CDH13: variants seen among roughly 807,000 people sequenced by gnomAD.
CDH13 encodes the protein cadherin 13.
In CDH13, 24 loss-of-function variants were observed where a neutral mutation model predicts 63.8. That is an observed-to-expected ratio of 0.38 (90% CI 0.27 to 0.53). CDH13 has a LOEUF of 0.53. Among genes scored for constraint, CDH13 ranks in the 20% least tolerant of loss-of-function variants. CDH13 has a pLI of 0.85. For missense variants in CDH13, 1,049 were observed against 903.1 expected (o/e 1.16, Z -2.07); for synonymous variants, 503 against 355.3 (o/e 1.42, Z -4.67).
intron 2 of CDH13, among the ~76,000 whole-genome samples, chr16:82,921,217 A>C (rs968896585): frequency 2.0e-5 from 3 of 152,142 alleles, no homozygotes; most frequent in African/African-American, 4.8e-5. Flanking sequence ...TGGAGCCCAG[A>C]AGTCCAAAAT....
chr16:82,629,510 C>G (rs549068664), intron 1 of CDH13, among the ~76,000 whole-genome samples: 66 of 152,178 alleles, frequency 4.3e-4, no homozygotes, highest in Admixed American at 3.9e-3. Flanking sequence ...AGTCGACGAG[C>G]AAAAACACAA....
chr16:83,689,869 T>C (rs140718998), intron 10 of CDH13, among the ~76,000 whole-genome samples: 2 of 152,192 alleles, frequency 1.3e-5, no homozygotes, highest in Non-Finnish European at 2.9e-5. Context: ...CATTGGGGGA[T>C]AAAGTAGCCC....
At chr16:83,230,227 T>C (rs966226889) in intron 5 of CDH13, among the ~76,000 whole-genome samples, 2 of 152,186 alleles carry the variant, frequency 1.3e-5, no homozygotes, top group African/African-American at 4.8e-5. Flanking sequence ...TTAGTTCCTG[T>C]TCAGTGTTTC....
chr16:83,397,246 C>T (rs1359619601), intron 6 of CDH13: 1 of 152,160 alleles, frequency 6.6e-6, no homozygotes, highest in African/African-American at 2.4e-5. Flanking sequence ...AGGGGATACA[C>T]CCTCTTAATC....
chr16:82,685,388 T>A (rs1261105915), intron 1 of CDH13, among the ~76,000 whole-genome samples: 1 of 152,148 alleles, frequency 6.6e-6, no homozygotes, highest in Non-Finnish European at 1.5e-5. Context: ...ACTAATCCCA[T>A]TCATAATGGC....
At chr16:83,065,017 C>A (rs1004220421) in intron 3 of CDH13, among the ~76,000 whole-genome samples, 14 of 152,132 alleles carry the variant, frequency 9.2e-5, no homozygotes, top group Admixed American at 5.2e-4. Flanking sequence ...CCCTCCCCTG[C>A]ACCCCCAGCC....
At chr16:83,136,486 CAAAAAAAAAAAAA>C (rs542700844) in intron 4 of CDH13, among the ~76,000 whole-genome samples, 1 of 61,552 alleles carries the variant, frequency 1.6e-5, no homozygotes, top group Non-Finnish European at 3.6e-5. Flanking sequence ...ACTCTGTCTC[CAAAAAAAAAAAAA>C]AAAAAAAAGA....
At chr16:83,027,203 T>C in intron 2 of CDH13, among the ~76,000 whole-genome samples, 1 of 146,164 alleles carries the variant, frequency 6.8e-6, no homozygotes, top group Non-Finnish European at 1.5e-5. Context: ...ACTGATGGCC[T>C]CCCATGTGGA....
chr16:83,266,362 C>G (rs1053881658), intron 5 of CDH13, among the ~76,000 whole-genome samples: 1 of 152,146 alleles, frequency 6.6e-6, no homozygotes. Context: ...GATATATGGT[C>G]CACTTTAATT....
intron 2 of CDH13, among the ~76,000 whole-genome samples, chr16:82,880,775 A>C (rs995175345): frequency 1.3e-5 from 2 of 152,200 alleles, no homozygotes; most frequent in Non-Finnish European, 2.9e-5. Flanking sequence ...ATTGATATTA[A>C]GGTCAACTCT....
chr16:83,257,318 A>AT (rs1029113479), intron 5 of CDH13, among the ~76,000 whole-genome samples: 6 of 151,930 alleles, frequency 3.9e-5, no homozygotes, highest in Non-Finnish European at 5.9e-5. Flanking sequence ...AATTCATCGT[A>AT]TTTTTTTTCT....
chr16:82,823,849 T>A (rs896307285), intron 1 of CDH13: 2 of 152,184 alleles, frequency 1.3e-5, no homozygotes, highest in Non-Finnish European at 2.9e-5. Context: ...GGATTATACA[T>A]ATGAATTTAT....
At chr16:82,881,207 C>A (rs1464024824) in intron 2 of CDH13, among the ~76,000 whole-genome samples, 1 of 152,086 alleles carries the variant, frequency 6.6e-6, no homozygotes, top group South Asian at 2.1e-4. Flanking sequence ...TAGAGGCTTC[C>A]GTTCGTGTCT....
chr16:83,151,027 A>C (rs901459671), intron 4 of CDH13, among the ~76,000 whole-genome samples: 1 of 152,170 alleles, frequency 6.6e-6, no homozygotes, highest in African/African-American at 2.4e-5. Context: ...GGTGACAAGC[A>C]TATAGTAGGT....
At chr16:83,075,731 T>C (rs2032788645) in intron 3 of CDH13, among the ~76,000 whole-genome samples, 2 of 152,330 alleles carry the variant, frequency 1.3e-5, no homozygotes, top group South Asian at 4.1e-4. Context: ...GACATATCAA[T>C]CTTGCTTGGG....
At chr16:83,195,495 CAAGA>C (rs2038851882) in intron 4 of CDH13, among the ~76,000 whole-genome samples, 1 of 151,990 alleles carries the variant, frequency 6.6e-6, no homozygotes, top group African/African-American at 2.4e-5. Flanking sequence ...GGAGCAGGAC[CAAGA>C]GAGAGATGGG....
intron 7 of CDH13, among the ~76,000 whole-genome samples, chr16:83,487,776 G>A (rs2073924218): frequency 6.6e-6 from 1 of 152,148 alleles, no homozygotes; most frequent in African/African-American, 2.4e-5. Flanking sequence ...GGGGCTCTGT[G>A]CATTTCCCCC....
intron 2 of CDH13, among the ~76,000 whole-genome samples, chr16:83,004,511 TG>T (rs1913274619): frequency 6.6e-6 from 1 of 152,180 alleles, no homozygotes; most frequent in East Asian, 1.9e-4. Context: ...TGTTTTGTTT[TG>T]TTTTTTTCCC....
intron 1 of CDH13, among the ~76,000 whole-genome samples, chr16:82,767,938 G>T (rs2035122127): frequency 6.6e-6 from 1 of 152,204 alleles, no homozygotes; most frequent in African/African-American, 2.4e-5. Context: ...TGGATCTAGA[G>T]TGACCATTGC....
Sources: gnomAD v4.1 joint callset for allele counts (sites outside exome capture counted in the v4.1 genomes callset) on GRCh38, gnomAD v4.1.1 for gene constraint, MANE v1.5 for transcripts, NCBI Gene and HGNC (gene_info 2026-07-23, HGNC 2026-07-21) for gene names.